The following FERMT2 variants were observed in gnomAD, a reference collection of about 807,000 sequenced individuals.
FERMT2 encodes the protein fermitin family homolog 2.
Under a neutral mutation model 82.7 loss-of-function variants are expected in FERMT2, and 15 were observed. That is an observed-to-expected ratio of 0.18 (90% CI 0.12 to 0.28). The LOEUF (loss-of-function observed/expected upper bound fraction) is 0.28. Ranked by LOEUF, FERMT2 falls within the 10% of genes least tolerant of loss-of-function variation. The probability of loss-of-function intolerance (pLI) is 1.00; values close to 1 mark genes in which losing one functional copy is unlikely to be tolerated. For missense variants in FERMT2, 645 were observed against 809.4 expected, an observed-to-expected ratio of 0.80 and a Z score of 2.46; for synonymous variants, 274 against 271.5, an observed-to-expected ratio of 1.01 and a Z score of -0.09.
chr14:52,900,459 A>G (rs1394797789), intron 3 of FERMT2, among the ~76,000 whole-genome samples: 2 of 152,214 alleles, frequency 1.3e-5, no homozygotes, highest in African/African-American at 4.8e-5. Flanking sequence ...TGGTTAAAAA[A>G]GTATATTGAA....
intron 2 of FERMT2, among the ~76,000 whole-genome samples, chr14:52,931,242 A>G (rs371834911): frequency 6.6e-6 from 1 of 152,368 alleles, no homozygotes; most frequent in African/African-American, 2.4e-5. Flanking sequence ...AGAGACACAG[A>G]CAAGTAAAAT....
At chr14:52,894,527 G>C (rs1887141124) in intron 3 of FERMT2, among the ~76,000 whole-genome samples, 1 of 152,092 alleles carries the variant, frequency 6.6e-6, no homozygotes, top group Non-Finnish European at 1.5e-5. Flanking sequence ...ACATCATAAA[G>C]CTGTATCAAT....
chr14:52,866,515 A>C (rs1885289536), intron 10 of FERMT2, among the ~76,000 whole-genome samples: 1 of 152,128 alleles, frequency 6.6e-6, no homozygotes, highest in Non-Finnish European at 1.5e-5. Context: ...CAAAATCTGC[A>C]CCCTAGGTAA....
At position 52,858,009 on chromosome 14, in the gene FERMT2, T is replaced by C. The variant is rs943696840; in HGVS notation, c.*368A>G. On this transcript the variant is annotated 3_prime_UTR_variant, in exon 15 of 15. Coordinates refer to ENST00000341590, the MANE Select transcript of FERMT2 (RefSeq NM_006832.3). ...TTAAACATACATTAAATCACATGCA[T>C]TAGACATGATAAATAGAGTTCATAT... 1 of 177,324 alleles carries C rather than the reference T, an allele frequency of 5.6e-6. No homozygotes were observed. The highest frequency in any genetic ancestry group is 1.2e-5 in the Non-Finnish European group (1 of 83,130). The allele number at this position is 177,324 out of a possible 1,614,324, so 11.0% of individuals were successfully genotyped here.
intron 3 of FERMT2, among the ~76,000 whole-genome samples, chr14:52,913,714 A>AGTAGT (rs1566746975): frequency 6.6e-6 from 1 of 152,032 alleles, no homozygotes; most frequent in Non-Finnish European, 1.5e-5. Flanking sequence ...TAGTAGTAGT[A>AGTAGT]ATGAAAGACC....
rs17125900 is a variant in FERMT2, at chr14:52,913,819, A to T, written c.391+5304T>A. Among the ~76,000 whole-genome samples, 765 of 152,172 alleles carry T rather than the reference A, an allele frequency of 5.0e-3. 5 individuals are homozygous for T. The highest frequency in any genetic ancestry group is 0.049 in the East Asian group (251 of 5,164). On this transcript the variant is annotated intron_variant, in intron 3 of 14. Transcript: ENST00000341590. ...CATCTAACTTCATTCTATACAGCAG[A>T]GTGTGGAATGAAGAATTAATGCATA...
intron 2 of FERMT2, among the ~76,000 whole-genome samples, chr14:52,933,707 T>G: frequency 1.6e-5 from 1 of 62,564 alleles, no homozygotes; most frequent in Non-Finnish European, 2.7e-5. Flanking sequence ...CAAAACTCCG[T>G]CTCAAAAAAA....
In FERMT2 at chr14:52,859,626, T is replaced by A; in HGVS notation, c.1816A>T (p.Thr606Ser). The part of the protein sequence containing the change: ...MDASTGDAIK[T>S]WRFSNMKQWN... ...TGTTTCATGTTGCTGAAACGCCATG[T>A]TTTAATTGCATCTCCAGTGCTGGCA... The change falls in exon 14 of 15, where the codon ACA (threonine) becomes TCA (serine). Residue 606 changes from threonine (T) to serine (S), a missense_variant. Transcript: ENST00000341590. 6.2e-7 allele frequency: 1 copy of A among 1,612,512 alleles called. No homozygotes were observed. Among genetic ancestry groups the A allele is most frequent in the African/African-American group, 1.3e-5 (1 of 75,010 alleles).
chr14:52,858,495 T>TCTA lies in FERMT2; in HGVS notation c.1922_1924dup (p.Val641dup). 1 of 1,614,122 alleles carries TCTA rather than the reference T, an allele frequency of 6.2e-7. No individual in the cohort carries two copies. Among genetic ancestry groups the TCTA allele is most frequent in the South Asian group, 1.1e-5 (1 of 91,082 alleles). On this transcript the variant is annotated inframe_insertion, in exon 15 of 15. Coordinates refer to ENST00000341590, the MANE Select transcript of FERMT2 (RefSeq NM_006832.3). ...AATGAATTCATGAACCACTTTGCAA[T>TCTA]CTACTTCAGTACAAATGAAGGACAA... is the stretch of plus-strand genomic sequence containing the variant.
intron 4 of FERMT2, among the ~76,000 whole-genome samples, chr14:52,892,166 G>GTT (rs10547747): frequency 0.076 from 9,654 of 127,500 alleles, 383 homozygotes; most frequent in East Asian, 0.14. Flanking sequence ...GCTGTTTTTT[G>GTT]TTTTTTTTTT....
At chr14:52,859,420 T>A in intron 14 of FERMT2, 153 bp downstream of exon 14, 1 of 712,290 alleles carries the variant, frequency 1.4e-6, no homozygotes, top group Non-Finnish European at 2.0e-6. Context: ...AATAGGCAAA[T>A]TTAAGTGAGA....
intron 10 of FERMT2, among the ~76,000 whole-genome samples, chr14:52,866,331 C>A (rs545525602): frequency 6.6e-6 from 1 of 152,284 alleles, no homozygotes; most frequent in East Asian, 1.9e-4. Context: ...ATTCTGGTCA[C>A]AATCTCTAAT....
intron 3 of FERMT2, among the ~76,000 whole-genome samples, chr14:52,893,844 T>C (rs76011908): frequency 1.3e-5 from 2 of 151,984 alleles, no homozygotes; most frequent in Non-Finnish European, 1.5e-5. Flanking sequence ...TTTTTTTTTT[T>C]TGAGACGGAG....
intron 13 of FERMT2, chr14:52,860,019 G>A (rs1160907115): frequency 4.1e-5 from 11 of 271,220 alleles, no homozygotes; most frequent in East Asian, 1.6e-4. Flanking sequence ...GGGTTTCACC[G>A]TGTTAGCCAG....
rs146070440 is a variant in FERMT2, at chr14:52,884,323, C to A, written c.527-2854G>T. On this transcript the variant is annotated intron_variant, in intron 4 of 14. Coordinates refer to ENST00000341590, the MANE Select transcript of FERMT2 (RefSeq NM_006832.3). ...CAAGCTATAAATCGGCCAGTCTGGG[C>A]AGGCGCGGTGGCTCAAGCCTGTAAT... Among the ~76,000 whole-genome samples the A allele has an allele frequency of 7.6e-3, 1,154 of 152,286 alleles. 15 individuals are homozygous for A. Among genetic ancestry groups the A allele is most frequent in the African/African-American group, 0.026 (1,075 of 41,570 alleles).
chr14:52,917,220 G>T (rs1021969113), intron 3 of FERMT2, among the ~76,000 whole-genome samples: 2 of 152,072 alleles, frequency 1.3e-5, no homozygotes, highest in East Asian at 3.8e-4. Flanking sequence ...AAATACCTAC[G>T]TGGTAATGGC....
In FERMT2 at chr14:52,893,426, A is replaced by G; in HGVS notation, c.393T>C (p.Asn131=). The G allele has an allele frequency of 1.9e-6, 3 of 1,586,478 alleles. No individual in the cohort carries two copies. Among genetic ancestry groups the G allele is most frequent in the Non-Finnish European group, 2.6e-6 (3 of 1,169,062 alleles). Residue 131 remains asparagine, a splice_region_variant and synonymous_variant, in exon 4 of 15, where the codon AAT becomes AAC. Coordinates refer to ENST00000341590, the MANE Select transcript of FERMT2 (RefSeq NM_006832.3). Reference sequence around the variant, plus strand: ...GAGAAAGTTCTTCGGGGTGTCTGATATCTGTTAATAAAATAGATTGTTTTA... The same window carrying G: ...GAGAAAGTTCTTCGGGGTGTCTGATGTCTGTTAATAAAATAGATTGTTTTA... ...KAVSDICKTF[N]IRHPEELSLL... is the part of the protein sequence containing the mutation.
intron 2 of FERMT2, among the ~76,000 whole-genome samples, chr14:52,947,556 T>C (rs555812411): frequency 9.9e-5 from 15 of 152,234 alleles, no homozygotes; most frequent in East Asian, 1.9e-4. Flanking sequence ...ATTCTAAAAA[T>C]TGTGTTTTAA....
intron 3 of FERMT2, among the ~76,000 whole-genome samples, chr14:52,899,011 A>G (rs1261144806): frequency 6.6e-6 from 1 of 152,094 alleles, no homozygotes; most frequent in African/African-American, 2.4e-5. Flanking sequence ...TTCCTAGGTC[A>G]TTTTCTGTCT....
Sources: gnomAD v4.1 joint callset for allele counts (sites outside exome capture counted in the v4.1 genomes callset) on GRCh38, gnomAD v4.1.1 for gene constraint, MANE v1.5 for transcripts, NCBI Gene and HGNC (gene_info 2026-07-23, HGNC 2026-07-21) for gene names.